PWWP2A: variants seen among roughly 807,000 people sequenced by gnomAD.
The protein encoded by PWWP2A is PWWP domain-containing protein 2A.
PWWP2A carries 18 observed loss-of-function variants against 48.5 expected under a neutral mutation model. The observed-to-expected ratio is 0.37, with a 90% CI of 0.26 to 0.55. The LOEUF (loss-of-function observed/expected upper bound fraction) is 0.55, where lower values mean the gene tolerates loss of function less well. Ranked by LOEUF, PWWP2A falls within the 20% of genes least tolerant of loss-of-function variation. The probability of loss-of-function intolerance (pLI) is 0.81; values close to 1 mark genes in which losing one functional copy is unlikely to be tolerated. For missense variants in PWWP2A, 867 were observed against 976.4 expected, an observed-to-expected ratio of 0.89 and a Z score of 1.49; for synonymous variants, 396 against 387.7, an observed-to-expected ratio of 1.02 and a Z score of -0.25.
intron 2 of PWWP2A, among the ~76,000 whole-genome samples, chr5:160,081,176 T>C (rs2113470368): frequency 6.6e-6 from 1 of 152,172 alleles, no homozygotes; most frequent in East Asian, 1.9e-4. Context: ...CAGTCAGTAT[T>C]CAAAGATAAG....
intron 4 of PWWP2A, chr5:160,064,885 T>C: frequency 6.3e-7 from 1 of 1,581,264 alleles, no homozygotes; most frequent in Non-Finnish European, 8.6e-7. Context: ...ACCTTCCTGC[T>C]TCTGTTCATT....
intron 5 of PWWP2A, among the ~76,000 whole-genome samples, chr5:160,062,266 G>T (rs1753439317): frequency 6.6e-6 from 1 of 152,216 alleles, no homozygotes; most frequent in Non-Finnish European, 1.5e-5. Context: ...TCTTAGCTTG[G>T]AATGGTCTTT....
chr5:160,113,767 A>C (rs1281231669), intron 1 of PWWP2A, among the ~76,000 whole-genome samples: 1 of 152,234 alleles, frequency 6.6e-6, no homozygotes, highest in Non-Finnish European at 1.5e-5. Flanking sequence ...CACAGAGGCA[A>C]TGAAATCAAG....
intron 2 of PWWP2A, among the ~76,000 whole-genome samples, chr5:160,083,279 G>C (rs1217564595): frequency 6.6e-6 from 1 of 152,076 alleles, no homozygotes; most frequent in Non-Finnish European, 1.5e-5. Context: ...AAACTGTTGG[G>C]GGAGATGACA....
At chr5:160,051,267 G>C in the PWWP2A span, 1 of 1,139,204 alleles carries the variant, frequency 8.8e-7, no homozygotes, top group South Asian at 1.6e-5. Flanking sequence ...GAGAACACAT[G>C]AGTTAGAAAG....
At chr5:160,089,316 T>C (rs1224321896), downstream of PWWP2A, among the ~76,000 whole-genome samples, 2 of 152,128 alleles carry the variant, frequency 1.3e-5, no homozygotes, top group African/African-American at 4.8e-5. Context: ...CCCAAGTAGC[T>C]AGGATACAGG....
At chr5:160,058,567 A>C (rs570143021), downstream of PWWP2A, among the ~76,000 whole-genome samples, 1 of 152,014 alleles carries the variant, frequency 6.6e-6, no homozygotes, top group African/African-American at 2.4e-5. Flanking sequence ...CCCACCACCA[A>C]GCCCGGCTAA....
At chr5:160,098,492 G>A (rs1755919067) in intron 1 of PWWP2A, among the ~76,000 whole-genome samples, 1 of 152,112 alleles carries the variant, frequency 6.6e-6, no homozygotes. Flanking sequence ...AACACCTAGG[G>A]CAGTGTTACC....
At position 160,092,464 on chromosome 5, in the gene PWWP2A, C is replaced by A. The variant is rs546243781; in HGVS notation, c.2186G>T (p.Arg729Leu). The change falls in exon 2 of 2, where the codon CGC becomes CTC. Residue 729 changes from arginine to leucine, a missense_variant. Arg to Leu is a moderately radical substitution (Grantham distance 102). Around this residue, in one of 4 missense-constraint regions of PWWP2A, gnomAD observed 97 missense variants for 151.7 expected, o/e 0.64. Transcript: ENST00000307063. Reference protein sequence around the residue: ...RFNKKRKGLYRKAITEAAKAA... With the variant: ...RFNKKRKGLYLKAITEAAKAA... ...CTTAGCTGCCTCTGTGATAGCCTTGCGATACAGGCCCTTTCTCTTCTTATT... is the reference window on the plus strand; with the variant it reads ...CTTAGCTGCCTCTGTGATAGCCTTGAGATACAGGCCCTTTCTCTTCTTATT... 2 of 1,551,572 alleles carry A rather than the reference C, an allele frequency of 1.3e-6. No homozygotes were observed. The highest frequency in any genetic ancestry group is 1.4e-5 in the African/African-American group (1 of 73,122).
rs752148153 is a variant in PWWP2A at position 160,092,718 on chromosome 5, T to C, written c.1932A>G (p.Lys644=). Residue 644 remains lysine, a synonymous_variant, in exon 2 of 2, where the codon AAA becomes AAG. Coordinates refer to ENST00000307063, the MANE Select transcript of PWWP2A (RefSeq NM_001130864.2). The part of the protein sequence containing the change: ...KMKVFSKNVS[K]CVTPDGRTIC... Reference sequence around the variant, plus strand: ...TGGTCCTGCCATCTGGTGTGACGCATTTAGAGACGTTTTTGGAAAAGACTT... The same window carrying C: ...TGGTCCTGCCATCTGGTGTGACGCACTTAGAGACGTTTTTGGAAAAGACTT... 4 of 1,551,622 alleles carry C rather than the reference T, an allele frequency of 2.6e-6. No homozygotes were observed. The highest frequency in any genetic ancestry group is 2.4e-5 in the South Asian group (2 of 84,052).
At chr5:160,110,665 C>T (rs1411805494) in intron 1 of PWWP2A, among the ~76,000 whole-genome samples, 1 of 151,878 alleles carries the variant, frequency 6.6e-6, no homozygotes, top group African/African-American at 2.4e-5. Context: ...GACATCATGC[C>T]ATTGCACTCC....
chr5:160,062,342 A>G (rs1753441699), intron 5 of PWWP2A, among the ~76,000 whole-genome samples: 1 of 152,200 alleles, frequency 6.6e-6, no homozygotes, highest in Non-Finnish European at 1.5e-5. Context: ...TGCCTGAGGA[A>G]GCTGCCATCT....
chr5:160,072,192 T>C (rs1753754095), downstream of PWWP2A, among the ~76,000 whole-genome samples: 1 of 152,226 alleles, frequency 6.6e-6, no homozygotes. Flanking sequence ...CACTTCCTCC[T>C]GTTGTGTGCA....
At chr5:160,054,674 G>A in the PWWP2A span, among the ~76,000 whole-genome samples, 3 of 152,014 alleles carry the variant, frequency 2.0e-5, no homozygotes, top group Admixed American at 6.6e-5. Flanking sequence ...AAAAAGTAGC[G>A]TTTTATATAA....
At chr5:160,053,384 G>T in the PWWP2A span, among the ~76,000 whole-genome samples, 1 of 152,144 alleles carries the variant, frequency 6.6e-6, no homozygotes, top group African/African-American at 2.4e-5. Context: ...ACCAGCCTGG[G>T]CAACATGGCA....
chr5:160,088,279 C>T (rs1754797919), downstream of PWWP2A, among the ~76,000 whole-genome samples: 1 of 152,198 alleles, frequency 6.6e-6, no homozygotes. Context: ...GGCTGGAGTG[C>T]AACCTCCGCC....
At chr5:160,107,993 C>T (rs368979953) in intron 1 of PWWP2A, among the ~76,000 whole-genome samples, 6 of 151,002 alleles carry the variant, frequency 4.0e-5, no homozygotes, top group African/African-American at 1.5e-4. Flanking sequence ...AAAAGCGAGA[C>T]CCATCTCAAA....
At position 160,093,074 on chromosome 5, in the gene PWWP2A, G is replaced by A. The variant is rs1189003591; in HGVS notation, c.1576C>T (p.Pro526Ser). Residue 526 changes from proline (P) to serine (S), a missense_variant, in exon 2 of 2, where the codon CCC becomes TCC. Transcript: ENST00000307063. The surrounding 1 kb of genome is among the most constrained non-coding windows in gnomAD (Gnocchi z 5.8). ...CTGGCCTCTTCAGGGCCTTTTGAGG[G>A]ACTCTGATTTTCTGAAGGGGCCTCA... The part of the protein sequence containing the change: ...AGEAPSENQS[P>S]SKGPEEASSE... 3 of 1,613,422 alleles carry A rather than the reference G, an allele frequency of 1.9e-6. No individual in the cohort carries two copies. Among genetic ancestry groups the A allele is most frequent in the Admixed American group, 3.3e-5 (2 of 59,934 alleles).
chr5:160,098,985 TAC>T (rs1755973981), intron 1 of PWWP2A, among the ~76,000 whole-genome samples: 1 of 152,140 alleles, frequency 6.6e-6, no homozygotes, highest in Non-Finnish European at 1.5e-5. Context: ...ATTCTTCAAG[TAC>T]AGTCTGTGAA....
Sources: gnomAD v4.1 joint callset for allele counts (sites outside exome capture counted in the v4.1 genomes callset) on GRCh38, gnomAD v4.1.1 for gene constraint, gnomAD v4.1.1 regional missense constraint, Gnocchi (gnomAD v3.1) non-coding constraint, MANE v1.5 for transcripts, NCBI Gene and HGNC (gene_info 2026-07-23, HGNC 2026-07-21) for gene names.